Variants in KIAA0586 observed in about 807,000 individuals in gnomAD.
KIAA0586 encodes KIAA0586.
KIAA0586 carries 144 observed loss-of-function variants against 169.8 expected under a neutral mutation model. The observed-to-expected ratio is 0.85, with a 90% CI of 0.74 to 0.97. The LOEUF (loss-of-function observed/expected upper bound fraction) is 0.97, where lower values mean the gene tolerates loss of function less well. KIAA0586 is among the 50% of genes least tolerant of loss of function. The probability of loss-of-function intolerance (pLI) is 0.00; values close to 1 mark genes in which losing one functional copy is unlikely to be tolerated. For missense variants in KIAA0586, 1,854 were observed against 1,823.0 expected (o/e 1.02, Z -0.31); for synonymous variants, 625 against 612.4 (o/e 1.02, Z -0.30).
chr14:58,548,028 C>A lies in KIAA0586; in HGVS notation c.*96C>A. ...TCTCTCAGACTGTTTGGTTTTTGAGCATATTCTGAAAAAAAAATTCCAATA... is the reference window on the plus strand; with the variant it reads ...TCTCTCAGACTGTTTGGTTTTTGAGAATATTCTGAAAAAAAAATTCCAATA... On this transcript the variant is annotated 3_prime_UTR_variant, in exon 31 of 31. Coordinates refer to ENST00000652326, the MANE Select transcript of KIAA0586 (RefSeq NM_001329943.3). 5 of 1,355,930 alleles carry A rather than the reference C, an allele frequency of 3.7e-6. No individual in the cohort carries two copies. The highest frequency in any genetic ancestry group is 2.5e-5 in the Admixed American group (1 of 39,446). 84.0% of individuals were successfully genotyped at this position (1,355,930 alleles called of 1,614,324 possible).
chr14:58,498,503 T>C (rs544444979), intron 26 of KIAA0586, among the ~76,000 whole-genome samples: 54 of 152,290 alleles, frequency 3.5e-4, no homozygotes, highest in South Asian at 1.7e-3. Context: ...TGTAATATAA[T>C]TTTTCTTATG....
chr14:58,502,643 T>C (rs1464491543), intron 27 of KIAA0586, among the ~76,000 whole-genome samples: 1 of 152,184 alleles, frequency 6.6e-6, no homozygotes, highest in Non-Finnish European at 1.5e-5. Context: ...TATTTGACAA[T>C]GCATGTAAAG....
At chr14:58,511,169 GATTACTTCCT>G (rs550043059) in intron 28 of KIAA0586, among the ~76,000 whole-genome samples, 295 of 152,238 alleles carry the variant, frequency 1.9e-3, no homozygotes, top group East Asian at 0.011. Context: ...ATAAAAGAAA[GATTACTTCCT>G]TTTAATTGAT....
At chr14:58,543,075 T>C (rs1031612774) in intron 30 of KIAA0586, among the ~76,000 whole-genome samples, 4 of 145,662 alleles carry the variant, frequency 2.7e-5, no homozygotes, top group African/African-American at 1.0e-4. Context: ...GAGCTTGCAG[T>C]GAGCCAAGAT....
At chr14:58,491,027 A>G (rs1009674449) in intron 25 of KIAA0586, among the ~76,000 whole-genome samples, 3 of 152,176 alleles carry the variant, frequency 2.0e-5, no homozygotes, top group Admixed American at 2.0e-4. Context: ...TGGTTGAGCT[A>G]ATTGTGAAGA....
At chr14:58,539,949 C>T (rs926084443) in intron 29 of KIAA0586, 122 bp from the exon 30 acceptor site, 90 of 562,332 alleles carry the variant, frequency 1.6e-4, no homozygotes, top group South Asian at 6.2e-4. Flanking sequence ...TTCTGTTTAC[C>T]TGGTTTTATG....
rs768583516 is a variant in KIAA0586 at position 58,465,877 on chromosome 14, C to T, written c.2102C>T (p.Ala701Val). Residue 701 changes from alanine (A) to valine (V), a missense_variant, in exon 15 of 31, where the codon GCA (alanine) becomes GTA (valine). Physicochemically the swap from Ala to Val is moderately conservative, Grantham distance 64. Transcript: ENST00000652326. ...ATAAGAACACAGACTGACTTCTATG[C>T]AACAAAACCTAAGAAGATGGATTCT... ...KSIRTQTDFYATKPKKMDSKM... is the reference protein window; with the variant it reads ...KSIRTQTDFYVTKPKKMDSKM... 3.7e-6 allele frequency: 6 copies of T among 1,612,016 alleles called. No homozygotes were observed. The Admixed American group carries it at 6.7e-5, about 18-fold the overall frequency.
chr14:58,453,380 A>G lies in KIAA0586; in HGVS notation c.1160A>G (p.Asn387Ser), dbSNP rs1168640996. ...GTAAGACTATTGGAACAAATTTTGA[A>G]TAATAATGATTCTTTGACAAGAAAA... is the stretch of plus-strand genomic sequence containing the variant. Reference protein sequence around the residue: ...GNVRLLEQILNNNDSLTRKSE... With the variant: ...GNVRLLEQILSNNDSLTRKSE... The change falls in exon 9 of 31, where the codon AAT (asparagine) becomes AGT (serine). Residue 387 changes from asparagine to serine, a missense_variant. Physicochemically the swap from Asn to Ser is conservative, Grantham distance 46 (BLOSUM62 1). Coordinates refer to ENST00000652326, the MANE Select transcript of KIAA0586 (RefSeq NM_001329943.3). The G allele has an allele frequency of 1.9e-5, 27 of 1,407,072 alleles. No homozygotes were observed. Among genetic ancestry groups the G allele is most frequent in the African/African-American group, 1.5e-5 (1 of 68,850 alleles). The allele number at this position is 1,407,072 out of a possible 1,614,324, so 87.2% of individuals were successfully genotyped here. A position where few individuals can be genotyped will look rare whatever the true frequency, so the allele number is the denominator to read the frequency against.
At chr14:58,450,550 T>A (rs2039281902) in intron 7 of KIAA0586, 29 bp from the exon 8 acceptor site, 1 of 1,399,078 alleles carries the variant, frequency 7.1e-7, no homozygotes, top group African/African-American at 1.4e-5. Flanking sequence ...TAAAAGCAAG[T>A]TAAGTTTTTA....
At chr14:58,520,961 G>C (rs919973051) in intron 29 of KIAA0586, 2 of 213,268 alleles carry the variant, frequency 9.4e-6, no homozygotes, top group African/African-American at 2.3e-5. Flanking sequence ...AAGTACCATA[G>C]AAAGTGCTGT....
intron 29 of KIAA0586, among the ~76,000 whole-genome samples, chr14:58,517,734 A>G (rs776472702): frequency 6.6e-6 from 1 of 152,232 alleles, no homozygotes; most frequent in Non-Finnish European, 1.5e-5. Flanking sequence ...ATGTCCTTCA[A>G]CAAGTAAATG....
chr14:58,543,451 C>A (rs1257429949), intron 30 of KIAA0586, among the ~76,000 whole-genome samples: 1 of 152,140 alleles, frequency 6.6e-6, no homozygotes, highest in Non-Finnish European at 1.5e-5. Flanking sequence ...CAGTTGATAT[C>A]TGTTGGATGG....
At position 58,465,938 on chromosome 14, in the gene KIAA0586, C is replaced by T. The variant is rs368904420; in HGVS notation, c.2163C>T (p.Gly721=). 1.0e-4 allele frequency: 165 copies of T among 1,612,336 alleles called. No individual in the cohort carries two copies. Among genetic ancestry groups the T allele is most frequent in the South Asian group, 1.3e-4 (12 of 90,986 alleles). ...MKHSVPVLPH[G]DQQYLFSPSR... ...ATTCTGTTCCTGTGTTACCTCATGG[C>T]GATCAGCAATATTTGTTCAGCCCAA... Residue 721 remains glycine (G), a synonymous_variant, in exon 15 of 31, where the codon GGC becomes GGT. Transcript: ENST00000652326.
chr14:58,457,508 T>C (rs1023258629), intron 10 of KIAA0586, among the ~76,000 whole-genome samples: 2 of 152,204 alleles, frequency 1.3e-5, no homozygotes, highest in Non-Finnish European at 2.9e-5. Context: ...CCTCAGGTGA[T>C]CCACCTGCCT....
intron 28 of KIAA0586, among the ~76,000 whole-genome samples, chr14:58,511,505 G>A (rs2044382135): frequency 6.6e-6 from 1 of 152,146 alleles, no homozygotes; most frequent in African/African-American, 2.4e-5. Flanking sequence ...AGCTCCTGTG[G>A]TCACAGCTCT....
rs374755537 is a variant in KIAA0586 at position 58,479,970 on chromosome 14, T to A, written c.2945-2543T>A. ...ATTGGATAGTGAAAGTTTTTCTAAC[T>A]TTGTTCTTTTTTTCTTTTTTATTCC... On this transcript the variant is annotated intron_variant, in intron 20 of 30. Transcript: ENST00000652326. Among the ~76,000 whole-genome samples, 73 of 152,290 alleles carry A rather than the reference T, an allele frequency of 4.8e-4. 2 individuals carry two copies. The South Asian group carries it at 0.015, about 31-fold the overall frequency.
In KIAA0586 at chr14:58,459,930, A is replaced by G; in HGVS notation, c.1744A>G (p.Ile582Val). Reference protein sequence around the residue: ...TKKGQNMTKDIRTNTQDKTVN... With the variant: ...TKKGQNMTKDVRTNTQDKTVN... ...GAAAGGTCAGAATATGACTAAAGAT[A>G]TTAGAACCAACACACAAGATAAAAC... Residue 582 changes from isoleucine (I) to valine (V), a missense_variant, in exon 13 of 31, where the codon ATT becomes GTT. Coordinates refer to ENST00000652326, the MANE Select transcript of KIAA0586 (RefSeq NM_001329943.3). 6.5e-7 allele frequency: 1 copy of G among 1,533,494 alleles called. No individual in the cohort carries two copies. Among genetic ancestry groups the G allele is most frequent in the South Asian group, 1.2e-5 (1 of 83,942 alleles). The allele number at this position is 1,533,494 out of a possible 1,614,324, so 95.0% of individuals were successfully genotyped here. A position where few individuals can be genotyped will look rare whatever the true frequency, so the allele number is the denominator to read the frequency against.
At position 58,484,903 on chromosome 14, in the gene KIAA0586, TA is replaced by T. The variant is rs1566876967; in HGVS notation, c.3145-2103del. Reference sequence around the variant, plus strand: ...TTATATATATATTTATATATATATATATATATATATATATATATATATTTTT... The same window carrying T: ...TTATATATATATTTATATATATATATTATATATATATATATATATATTTTT... On this transcript the variant is annotated intron_variant, in intron 21 of 30. Coordinates refer to ENST00000652326, the MANE Select transcript of KIAA0586 (RefSeq NM_001329943.3). Among the ~76,000 whole-genome samples, 5 of 13,500 alleles carry T rather than the reference TA, an allele frequency of 3.7e-4. 1 individual carries two copies. Among genetic ancestry groups the T allele is most frequent in the African/African-American group, 6.8e-4 (3 of 4,418 alleles). The allele number at this position is 13,500 out of a possible 152,430, so 8.9% of individuals were successfully genotyped here.
intron 14 of KIAA0586, among the ~76,000 whole-genome samples, chr14:58,462,126 C>G (rs2040372996): frequency 6.6e-6 from 1 of 152,020 alleles, no homozygotes; most frequent in South Asian, 2.1e-4. Context: ...CAATCATATA[C>G]AGTGTCAGGT....
Sources: allele counts gnomAD v4.1 joint callset (sites outside exome capture counted in the v4.1 genomes callset), GRCh38; gene constraint gnomAD v4.1.1; transcripts MANE v1.5; gene names NCBI Gene and HGNC (gene_info 2026-07-23, HGNC 2026-07-21).